MAST2: variants seen among roughly 807,000 people sequenced by gnomAD.
MAST2 encodes the protein microtubule-associated serine/threonine-protein kinase 2.
A neutral mutation model predicts 147.4 loss-of-function variants in MAST2; 70 were observed. The observed-to-expected ratio is 0.47, with a 90% CI of 0.39 to 0.58. The LOEUF (loss-of-function observed/expected upper bound fraction) is 0.58. MAST2 is among the 20% of genes least tolerant of loss of function. MAST2 has a pLI of 0.00. For synonymous variants in MAST2, 869 were observed against 896.8 expected, an observed-to-expected ratio of 0.97 and a Z score of 0.55; for missense variants, 2,080 against 2,302.3, an observed-to-expected ratio of 0.90 and a Z score of 1.98.
chr1:45,963,910 G>A (rs1660796609), intron 5 of MAST2, among the ~76,000 whole-genome samples: 1 of 151,722 alleles, frequency 6.6e-6, no homozygotes, highest in African/African-American at 2.4e-5. Flanking sequence ...AATTTATTGA[G>A]AGTTTTTAGC....
chr1:45,883,828 A>ATAGGT (rs1646948427), intron 4 of MAST2, among the ~76,000 whole-genome samples: 1 of 145,612 alleles, frequency 6.9e-6, no homozygotes, highest in Non-Finnish European at 1.5e-5. Context: ...GAGACACCAA[A>ATAGGT]TAGGTATGCA....
intron 5 of MAST2, among the ~76,000 whole-genome samples, chr1:45,971,037 T>C (rs1175362618): frequency 2.6e-5 from 4 of 152,100 alleles, no homozygotes; most frequent in Non-Finnish European, 5.9e-5. Flanking sequence ...TTTTAAAAAG[T>C]TTTAATAAAA....
intron 3 of MAST2, among the ~76,000 whole-genome samples, chr1:45,875,338 TG>T (rs1646559951): frequency 6.6e-6 from 1 of 151,952 alleles, no homozygotes; most frequent in South Asian, 2.1e-4. Flanking sequence ...CCCAGCTACT[TG>T]GGAGGCTGAG....
chr1:45,970,181 G>A lies in MAST2; in HGVS notation c.592+10704G>A, dbSNP rs74355460. The stretch of plus-strand genomic sequence containing the variant: ...TGCTGGAATCATGAGATTTTCTTCA[G>A]TAATCACTGTGAGGATCCAGTAAGG... On this transcript the variant is annotated intron_variant, in intron 5 of 28. Transcript: ENST00000361297. Among the ~76,000 whole-genome samples, 87 of 152,284 alleles carry A rather than the reference G, an allele frequency of 5.7e-4. No homozygotes were observed. In the East Asian group the frequency reaches 0.013, roughly 23 times the overall value.
chr1:45,973,340 T>C (rs1165431297), intron 5 of MAST2, among the ~76,000 whole-genome samples: 2 of 152,190 alleles, frequency 1.3e-5, no homozygotes, highest in African/African-American at 4.8e-5. Flanking sequence ...ATAATTTCAG[T>C]TTCCTTCTTC....
intron 1 of MAST2, among the ~76,000 whole-genome samples, chr1:45,818,576 CTG>C (rs1365691536): frequency 1.3e-5 from 2 of 152,188 alleles, no homozygotes; most frequent in African/African-American, 2.4e-5. Context: ...TGCTGAATGA[CTG>C]TAGGATGGTC....
At chr1:45,846,743 T>C (rs751366534) in intron 3 of MAST2, among the ~76,000 whole-genome samples, 7 of 151,876 alleles carry the variant, frequency 4.6e-5, no homozygotes, top group Admixed American at 2.6e-4. Flanking sequence ...GAGAATTGCT[T>C]GAACCTGGGA....
In MAST2 at chr1:46,030,262, G is replaced by A. The variant is rs554369396; in HGVS notation, c.2553+24G>A. The A allele has an allele frequency of 3.3e-5, 53 of 1,604,880 alleles. No homozygotes were observed. The South Asian group carries it at 5.1e-4, about 15-fold the overall frequency. On this transcript the variant is annotated intron_variant, in intron 21 of 28. Coordinates refer to ENST00000361297, the MANE Select transcript of MAST2 (RefSeq NM_015112.3). ...AGGTGTGACTGAGGAGGCCCAGAAT[G>A]GGCAGAACAGGCTGGAGGATCAGAA... is the stretch of plus-strand genomic sequence containing the variant.
chr1:45,849,558 TCTC>T, intron 3 of MAST2, among the ~76,000 whole-genome samples: 1 of 149,870 alleles, frequency 6.7e-6, no homozygotes, highest in Non-Finnish European at 1.5e-5. Flanking sequence ...ATGGAGTCTC[TCTC>T]TGTCACCCAG....
intron 3 of MAST2, among the ~76,000 whole-genome samples, chr1:45,870,742 TGA>T (rs1646351050): frequency 6.6e-6 from 1 of 150,624 alleles, no homozygotes; most frequent in Non-Finnish European, 1.5e-5. Context: ...GGCAACATGG[TGA>T]GATGTCTGTA....
At chr1:45,996,634 C>A (rs1420895906) in intron 5 of MAST2, among the ~76,000 whole-genome samples, 1 of 152,050 alleles carries the variant, frequency 6.6e-6, no homozygotes, top group African/African-American at 2.4e-5. Flanking sequence ...ATTATTTCAA[C>A]CAAAAACAAT....
intron 4 of MAST2, among the ~76,000 whole-genome samples, chr1:45,890,028 G>C (rs1647472541): frequency 6.6e-6 from 1 of 152,138 alleles, no homozygotes; most frequent in African/African-American, 2.4e-5. Flanking sequence ...ACAGGCATGA[G>C]CCCCCGTGCC....
intron 4 of MAST2, among the ~76,000 whole-genome samples, chr1:45,906,834 T>C (rs1002505797): frequency 3.9e-5 from 6 of 152,048 alleles, no homozygotes; most frequent in Non-Finnish European, 7.4e-5. Context: ...CCAGAGCAAG[T>C]TCTAGTCATG....
intron 4 of MAST2, among the ~76,000 whole-genome samples, chr1:45,924,888 G>C (rs7526369): frequency 0.34 from 51,546 of 152,006 alleles, 9,119 homozygotes; most frequent in African/African-American, 0.43. Flanking sequence ...TAGCCATTTA[G>C]AATCCAAGGA....
At chr1:45,945,960 G>GA (rs933723851) in intron 4 of MAST2, among the ~76,000 whole-genome samples, 14 of 152,136 alleles carry the variant, frequency 9.2e-5, no homozygotes, top group African/African-American at 2.7e-4. Flanking sequence ...TCCATTCAGA[G>GA]AAAAAAATCT....
rs149799772 is a variant in MAST2, at chr1:46,024,554, C to T, written c.1780+574C>T. On this transcript the variant is annotated intron_variant, in intron 15 of 28. Transcript: ENST00000361297. ...GTCTTGAAGCTGAAGCTGAACAAAA[C>T]TGTCCTTTAGTGTTTACTGGGTACA... 3.1e-3 allele frequency among the ~76,000 whole-genome samples: 468 copies of T among 152,324 alleles called. 2 individuals are homozygous for T. Among genetic ancestry groups the T allele is most frequent in the Admixed American group, 0.013 (194 of 15,308 alleles).
At chr1:46,020,323 A>T (rs1281511068) in intron 11 of MAST2, among the ~76,000 whole-genome samples, 1 of 152,128 alleles carries the variant, frequency 6.6e-6, no homozygotes, top group Non-Finnish European at 1.5e-5. Flanking sequence ...AGTTTCCCAG[A>T]TCGGGAGCAT....
chr1:45,860,538 C>G (rs994901537), intron 3 of MAST2, among the ~76,000 whole-genome samples: 1 of 151,994 alleles, frequency 6.6e-6, no homozygotes, highest in African/African-American at 2.4e-5. Flanking sequence ...CAGTATACAT[C>G]TTACTACTCT....
rs192562977 is a variant in MAST2 at position 45,972,811 on chromosome 1, G to A, written c.592+13334G>A. On this transcript the variant is annotated intron_variant, in intron 5 of 28. Transcript: ENST00000361297. ...GTTCTTTATCAGCAAGATCTGTCTC[G>A]TAATCTGTTCTCTAAACATTCTTTC... Among the ~76,000 whole-genome samples the A allele has an allele frequency of 3.4e-4, 51 of 152,188 alleles. 1 individual carries two copies. Among genetic ancestry groups the A allele is most frequent in the East Asian group, 3.9e-4 (2 of 5,182 alleles).
Sources: allele counts gnomAD v4.1 joint callset (sites outside exome capture counted in the v4.1 genomes callset), GRCh38; gene constraint gnomAD v4.1.1; transcripts MANE v1.5; gene names NCBI Gene and HGNC (gene_info 2026-07-23, HGNC 2026-07-21).